AGAP5: variants seen among roughly 807,000 people sequenced by gnomAD.
AGAP5 encodes the protein ArfGAP with GTPase domain, ankyrin repeat and PH domain 5.
Under a neutral mutation model 27.7 loss-of-function variants are expected in AGAP5, and 8 were observed. That is an observed-to-expected ratio of 0.29 (90% CI 0.17 to 0.52). The LOEUF is 0.52. Ranked by LOEUF, AGAP5 falls within the 20% of genes least tolerant of loss-of-function variation. The probability of loss-of-function intolerance (pLI) is 0.97; values close to 1 mark genes in which losing one functional copy is unlikely to be tolerated. For missense variants in AGAP5, 285 were observed against 880.8 expected (o/e 0.32, Z 8.56); for synonymous variants, 111 against 338.0 (o/e 0.33, Z 7.37).
At chr10:73,676,225 G>T (rs2132438516) in intron 7 of AGAP5, among the ~76,000 whole-genome samples, 151 bp from the exon 8 acceptor site, 1 of 141,922 alleles carries the variant, frequency 7.0e-6, no homozygotes, top group East Asian at 2.0e-4. Context: ...GGGAGGCCAA[G>T]GTGGGTGGAT....
In AGAP5 at chr10:73,675,215, T is replaced by C. The variant is rs3998268; in HGVS notation, c.1445A>G (p.Tyr482Cys). The change falls in exon 8 of 8, where the codon TAT (tyrosine) becomes TGT (cysteine). Residue 482 changes from tyrosine (Y) to cysteine (C), a missense_variant. Physicochemically the swap from Tyr to Cys is radical, Grantham distance 194. Coordinates refer to ENST00000374094, the MANE Select transcript of AGAP5 (RefSeq NM_001144000.4). ...NMRGNAHCVD[Y>C]ETQNPKWASL... ...GGCCCACTTAGGATTCTGGGTCTCA[T>C]AGTCCACACAGTGGGCGTTCCCACG... The C allele has an allele frequency of 0.23, 274,828 of 1,196,624 alleles. 81,821 individuals carry two copies. The highest frequency in any genetic ancestry group is 0.39 in the Middle Eastern group (1,451 of 3,680). The allele number at this position is 1,196,624 out of a possible 1,614,324, so 74.1% of individuals were successfully genotyped here.
intron 4 of AGAP5, among the ~76,000 whole-genome samples, chr10:73,683,454 ATTTAT>A (rs2082040562): frequency 1.1e-5 from 1 of 87,116 alleles, no homozygotes; most frequent in African/African-American, 3.8e-5. Flanking sequence ...TAATTAATTA[ATTTAT>A]TTATTTATTT....
chr10:73,679,310 G>A (rs1478752040), intron 6 of AGAP5, among the ~76,000 whole-genome samples: 3 of 151,888 alleles, frequency 2.0e-5, no homozygotes, highest in Non-Finnish European at 4.4e-5. Flanking sequence ...CTACAGGTGC[G>A]TGCCACCATG....
chr10:73,689,465 G>A (rs1366888881), intron 4 of AGAP5, among the ~76,000 whole-genome samples: 4 of 151,616 alleles, frequency 2.6e-5, no homozygotes. Context: ...TGGGATGTGA[G>A]GAGCCCCTCT....
At chr10:73,696,085 T>C (rs2082159505) in intron 2 of AGAP5, among the ~76,000 whole-genome samples, 1 of 152,138 alleles carries the variant, frequency 6.6e-6, no homozygotes, top group Non-Finnish European at 1.5e-5. Context: ...TGATCTCTGC[T>C]CACTGCAACC....
intron 2 of AGAP5, among the ~76,000 whole-genome samples, chr10:73,695,907 CTT>C (rs769925582): frequency 2.0e-5 from 3 of 152,194 alleles, no homozygotes; most frequent in Non-Finnish European, 2.9e-5. Context: ...AGATTCATCT[CTT>C]TGCAAAATTT....
At chr10:73,686,513 A>G (rs969817702) in intron 4 of AGAP5, among the ~76,000 whole-genome samples, 1 of 152,232 alleles carries the variant, frequency 6.6e-6, no homozygotes, top group Non-Finnish European at 1.5e-5. Context: ...CTTCATGACC[A>G]AGAACACAAA....
intron 4 of AGAP5, among the ~76,000 whole-genome samples, chr10:73,686,148 T>C (rs2082062014): frequency 1.3e-5 from 2 of 152,154 alleles, no homozygotes; most frequent in South Asian, 4.1e-4. Context: ...TTACCTGATT[T>C]CAAACTATAC....
At chr10:73,696,208 G>A (rs972038939) in intron 2 of AGAP5, among the ~76,000 whole-genome samples, 3 of 152,086 alleles carry the variant, frequency 2.0e-5, no homozygotes, top group Non-Finnish European at 4.4e-5. Context: ...AGTAGAGACA[G>A]CGTTTCACCA....
intron 2 of AGAP5, among the ~76,000 whole-genome samples, chr10:73,695,874 A>G (rs1375156508): frequency 2.0e-5 from 3 of 152,166 alleles, no homozygotes; most frequent in Non-Finnish European, 4.4e-5. Flanking sequence ...GAACCATATT[A>G]TTACCCAGAA....
Position 73,697,891 on chromosome 10 carries a change from C to T in AGAP5, c.-136G>A, listed in dbSNP as rs938643536. On this transcript the variant is annotated 5_prime_UTR_variant, in exon 1 of 8. Coordinates refer to ENST00000374094, the MANE Select transcript of AGAP5 (RefSeq NM_001144000.4). ...CTCCTCGCCTGCCCACCTCACAGCG[C>T]GGCCCCGGGCACCATCCCTGGCCCC... The T allele has an allele frequency of 6.1e-5, 93 of 1,536,984 alleles. 1 individual carries two copies. Among genetic ancestry groups the T allele is most frequent in the Middle Eastern group, 2.3e-4 (1 of 4,384 alleles).
intron 3 of AGAP5, among the ~76,000 whole-genome samples, chr10:73,693,629 A>T (rs142679404): frequency 0.025 from 3,792 of 150,292 alleles, 74 homozygotes; most frequent in Middle Eastern, 0.045. Flanking sequence ...AACCTGGGAG[A>T]TGGAGGTTGT....
chr10:73,692,306 G>T (rs1318391505), intron 3 of AGAP5, among the ~76,000 whole-genome samples: 1 of 151,922 alleles, frequency 6.6e-6, no homozygotes, highest in African/African-American at 2.4e-5. Flanking sequence ...ACATACAAAT[G>T]AAAGAATCCT....
intron 6 of AGAP5, among the ~76,000 whole-genome samples, chr10:73,678,110 C>T (rs1276683363): frequency 1.3e-5 from 2 of 151,534 alleles, no homozygotes; most frequent in African/African-American, 4.8e-5. Flanking sequence ...ACAACTGGGC[C>T]AGCGCAGTGG....
At chr10:73,691,646 C>T (rs943828917) in intron 4 of AGAP5, among the ~76,000 whole-genome samples, 1 of 152,082 alleles carries the variant, frequency 6.6e-6, no homozygotes, top group African/African-American at 2.4e-5. Flanking sequence ...GCATGCACCA[C>T]CACGCCCGGC....
intron 4 of AGAP5, among the ~76,000 whole-genome samples, chr10:73,689,994 G>GC (rs1017829523): frequency 9.9e-5 from 15 of 151,270 alleles, no homozygotes; most frequent in Non-Finnish European, 1.5e-4. Flanking sequence ...TGGGGGGTCA[G>GC]CCCCCCGCCT....
At chr10:73,693,565 T>TA (rs1207795183) in intron 3 of AGAP5, among the ~76,000 whole-genome samples, 2 of 151,858 alleles carry the variant, frequency 1.3e-5, no homozygotes, top group East Asian at 3.9e-4. Context: ...CAGGTGTTAT[T>TA]GTGCCCACCT....
At chr10:73,695,312 G>A (rs1233408974) in intron 2 of AGAP5, among the ~76,000 whole-genome samples, 1 of 152,058 alleles carries the variant, frequency 6.6e-6, no homozygotes, top group East Asian at 1.9e-4. Flanking sequence ...GTCTTCCATA[G>A]TCATGTGATA....
At position 73,697,693 on chromosome 10, in the gene AGAP5, C is replaced by G; in HGVS notation, c.63G>C (p.Gln21His). The G allele has an allele frequency of 6.3e-7, 1 of 1,598,820 alleles. No individual in the cohort carries two copies. The highest frequency in any genetic ancestry group is 1.1e-5 in the South Asian group (1 of 91,004). ...PSVSLEFDQQQGSVCPSESEI... is the reference protein window; with the variant it reads ...PSVSLEFDQQHGSVCPSESEI... ...CAGATTCAGAGGGACACACCGACCCCTGTTGCTGGTCAAACTCGAGGCTGA... is the reference window on the plus strand; with the variant it reads ...CAGATTCAGAGGGACACACCGACCCGTGTTGCTGGTCAAACTCGAGGCTGA... Residue 21 changes from glutamine (Q) to histidine (H), a missense_variant, in exon 1 of 8, where the codon CAG (glutamine) becomes CAC (histidine). Physicochemically the swap from Gln to His is conservative, Grantham distance 24. Coordinates refer to ENST00000374094, the MANE Select transcript of AGAP5 (RefSeq NM_001144000.4).
Sources: allele counts gnomAD v4.1 joint callset (sites outside exome capture counted in the v4.1 genomes callset), GRCh38; gene constraint gnomAD v4.1.1; transcripts MANE v1.5; gene names NCBI Gene and HGNC (gene_info 2026-07-23, HGNC 2026-07-21).